Variants in TRABD2B observed in about 807,000 individuals in gnomAD.
TRABD2B encodes the protein TraB domain containing 2B.
In TRABD2B, 14 loss-of-function variants were observed where a neutral mutation model predicts 40.1. That is an observed-to-expected ratio of 0.35 (90% CI 0.23 to 0.55). TRABD2B has a LOEUF of 0.55. Ranked by LOEUF, TRABD2B falls within the 20% of genes least tolerant of loss-of-function variation. The pLI is 0.90. For missense variants in TRABD2B, 541 were observed against 648.6 expected, an observed-to-expected ratio of 0.83 and a Z score of 1.80; for synonymous variants, 263 against 277.0, an observed-to-expected ratio of 0.95 and a Z score of 0.50.
intron 2 of TRABD2B, among the ~76,000 whole-genome samples, chr1:47,990,768 GTTTTATATATATATATATATATATATAT>G (rs1645991056): frequency 2.2e-5 from 1 of 44,938 alleles, no homozygotes; most frequent in African/African-American, 1.1e-4. Flanking sequence ...TAAAACGTTG[GTTTTATATATATATATATATATATATAT>G]ATATATATAT....
At chr1:47,828,036 A>T (rs1285790498) in intron 2 of TRABD2B, among the ~76,000 whole-genome samples, 4 of 152,176 alleles carry the variant, frequency 2.6e-5, no homozygotes, top group Non-Finnish European at 4.4e-5. Context: ...TAGGATCCTC[A>T]GTTTCCTCCT....
At position 47,911,605 on chromosome 1, in the gene TRABD2B, G is replaced by C. The variant is rs149832792; in HGVS notation, c.666+82429C>G. Among the ~76,000 whole-genome samples the C allele has an allele frequency of 5.6e-4, 85 of 152,348 alleles. 2 individuals are homozygous for C. In the East Asian group the frequency reaches 0.014, roughly 25 times the overall value. On this transcript the variant is annotated intron_variant, in intron 2 of 6. Coordinates refer to ENST00000606738, the MANE Select transcript of TRABD2B (RefSeq NM_001194986.2). Reference sequence around the variant, plus strand: ...CTCATGTGGACGGGTCCCTGGACATGGGTCCCACATGGTCCTGCTCCAGGA... The same window carrying C: ...CTCATGTGGACGGGTCCCTGGACATCGGTCCCACATGGTCCTGCTCCAGGA...
At chr1:47,981,941 G>A (rs1645846622) in intron 2 of TRABD2B, among the ~76,000 whole-genome samples, 2 of 152,246 alleles carry the variant, frequency 1.3e-5, no homozygotes, top group South Asian at 4.1e-4. Flanking sequence ...GGAACCCCAG[G>A]TCACAGATCT....
chr1:47,917,336 T>C (rs1315969023), intron 2 of TRABD2B, among the ~76,000 whole-genome samples: 1 of 152,172 alleles, frequency 6.6e-6, no homozygotes, highest in African/African-American at 2.4e-5. Flanking sequence ...TTCCCTCATA[T>C]CTGCGGATGG....
chr1:47,782,019 C>A (rs1190572514), intron 4 of TRABD2B, among the ~76,000 whole-genome samples: 1 of 152,188 alleles, frequency 6.6e-6, no homozygotes, highest in Non-Finnish European at 1.5e-5. Context: ...GCCCTTGGCC[C>A]TCTTCTTCTC....
At chr1:47,887,449 C>T (rs1013654789) in intron 2 of TRABD2B, among the ~76,000 whole-genome samples, 3 of 152,062 alleles carry the variant, frequency 2.0e-5, no homozygotes, top group African/African-American at 7.2e-5. Context: ...GGAGTCATGA[C>T]TCAATTTCCC....
chr1:47,799,815 C>T (rs755298526), intron 3 of TRABD2B, among the ~76,000 whole-genome samples: 2 of 152,152 alleles, frequency 1.3e-5, no homozygotes, highest in Non-Finnish European at 2.9e-5. Context: ...TTCCTTCTCT[C>T]CCCAGTCCCA....
intron 2 of TRABD2B, among the ~76,000 whole-genome samples, chr1:47,924,826 T>G (rs1644949349): frequency 6.6e-6 from 1 of 152,196 alleles, no homozygotes; most frequent in Non-Finnish European, 1.5e-5. Context: ...CCCGCTGGCC[T>G]GCCTGGGGAT....
intron 2 of TRABD2B, among the ~76,000 whole-genome samples, chr1:47,859,853 C>T (rs1339375621): frequency 6.6e-6 from 1 of 152,186 alleles, no homozygotes; most frequent in African/African-American, 2.4e-5. Context: ...CTCCTCACAT[C>T]GACAACTCTT....
At chr1:47,772,005 A>C (rs1014133709) in intron 6 of TRABD2B, among the ~76,000 whole-genome samples, 3 of 151,748 alleles carry the variant, frequency 2.0e-5, no homozygotes, top group Admixed American at 2.0e-4. Flanking sequence ...ATGAGTGAGG[A>C]CTCGCAGTCT....
chr1:47,945,019 T>G (rs542428029), intron 2 of TRABD2B, among the ~76,000 whole-genome samples: 26 of 137,702 alleles, frequency 1.9e-4, no homozygotes, highest in African/African-American at 6.7e-4. Context: ...TCAGTGATTC[T>G]GGAGCTTAGG....
Position 47,763,090 on chromosome 1 carries a change from T to G in TRABD2B, c.*2812A>C, listed in dbSNP as rs543165503. ...GAACGTTTCTGGAAGAAATGTCAGT[T>G]AGTGGTGGATAGATCGTGTCAAAGG... On this transcript the variant is annotated 3_prime_UTR_variant, in exon 7 of 7. Coordinates refer to ENST00000606738, the MANE Select transcript of TRABD2B (RefSeq NM_001194986.2). The G allele has an allele frequency of 1.3e-5, 2 of 152,348 alleles. No individual in the cohort carries two copies. Among genetic ancestry groups the G allele is most frequent in the South Asian group, 4.1e-4 (2 of 4,828 alleles). 9.4% of individuals were successfully genotyped at this position (152,348 alleles called of 1,614,324 possible).
At chr1:47,899,963 G>A (rs1159831814) in intron 2 of TRABD2B, among the ~76,000 whole-genome samples, 1 of 152,126 alleles carries the variant, frequency 6.6e-6, no homozygotes, top group African/African-American at 2.4e-5. Flanking sequence ...AGGAATAAAG[G>A]CAGGTATGCA....
intron 2 of TRABD2B, among the ~76,000 whole-genome samples, chr1:47,856,083 G>C (rs1184970431): frequency 2.0e-5 from 3 of 152,240 alleles, no homozygotes; most frequent in Non-Finnish European, 2.9e-5. Context: ...GGATGGACAA[G>C]CCACTTTCTA....
At chr1:47,875,674 C>CAAAAAAAAAAAAAAA (rs10541556) in intron 2 of TRABD2B, among the ~76,000 whole-genome samples, 6 of 75,934 alleles carry the variant, frequency 7.9e-5, no homozygotes, top group South Asian at 6.3e-4. Flanking sequence ...AACCCTGTCT[C>CAAAAAAAAAAAAAAA]AAAAAAAAAA....
intron 2 of TRABD2B, among the ~76,000 whole-genome samples, chr1:47,941,037 A>T (rs1222158245): frequency 2.0e-4 from 31 of 152,008 alleles, no homozygotes. Context: ...GTCCCAAAAC[A>T]TCTTGTGCTT....
chr1:47,838,713 G>T (rs372076128), intron 2 of TRABD2B, among the ~76,000 whole-genome samples: 121 of 152,308 alleles, frequency 7.9e-4, no homozygotes, highest in African/African-American at 2.5e-3. Context: ...CATGGCTATC[G>T]ACTGATGCAG....
rs1394878627 is a variant in TRABD2B at position 47,762,683 on chromosome 1, T to G, written c.*3219A>C. 1 of 152,244 alleles carries G rather than the reference T, an allele frequency of 6.6e-6. No individual in the cohort carries two copies. The highest frequency in any genetic ancestry group is 1.5e-5 in the Non-Finnish European group (1 of 68,042). 9.4% of individuals were successfully genotyped at this position (152,244 alleles called of 1,614,324 possible). ...TTCCATGCTTCCTAGATCCCAGATC[T>G]TTGACTCTCAGGACTGGAGGCATCC... On this transcript the variant is annotated 3_prime_UTR_variant, in exon 7 of 7. Transcript: ENST00000606738.
At chr1:47,937,240 CCAT>C (rs1461142178) in intron 2 of TRABD2B, among the ~76,000 whole-genome samples, 4 of 149,318 alleles carry the variant, frequency 2.7e-5, no homozygotes, top group Non-Finnish European at 5.9e-5. Flanking sequence ...ACCACCACCA[CCAT>C]GATCATCACC....
Sources: gnomAD v4.1 joint callset for allele counts (sites outside exome capture counted in the v4.1 genomes callset) on GRCh38, gnomAD v4.1.1 for gene constraint, MANE v1.5 for transcripts, NCBI Gene and HGNC (gene_info 2026-07-23, HGNC 2026-07-21) for gene names.